L3MBTL3: variants seen among roughly 807,000 people sequenced by gnomAD.
L3MBTL3 encodes the protein lethal(3)malignant brain tumor-like protein 3.
L3MBTL3 carries 27 observed loss-of-function variants against 102.3 expected under a neutral mutation model. That is an observed-to-expected ratio of 0.26 (90% CI 0.19 to 0.36). L3MBTL3 has a LOEUF of 0.36. L3MBTL3 is among the 10% of genes least tolerant of loss of function. The pLI is 1.00. For missense variants in L3MBTL3, 798 were observed against 955.3 expected, an observed-to-expected ratio of 0.84 and a Z score of 2.17; for synonymous variants, 340 against 320.9, an observed-to-expected ratio of 1.06 and a Z score of -0.64.
At chr6:130,086,579 A>T (rs1584402056) in intron 16 of L3MBTL3, among the ~76,000 whole-genome samples, 1 of 152,192 alleles carries the variant, frequency 6.6e-6, no homozygotes, top group Non-Finnish European at 1.5e-5. Flanking sequence ...AAAAAATTGA[A>T]GATTAATGTT....
At chr6:130,034,721 TGACTAAGAGCATGCCTG>T (rs1779940879) in intron 2 of L3MBTL3, among the ~76,000 whole-genome samples, 1 of 152,256 alleles carries the variant, frequency 6.6e-6, no homozygotes. Flanking sequence ...CTAAGCGCTA[TGACTAAGAGCATGCCTG>T]GGCCTCGGCC....
intron 2 of L3MBTL3, among the ~76,000 whole-genome samples, chr6:130,032,147 C>G (rs1454532542): frequency 1.3e-5 from 2 of 152,246 alleles, no homozygotes; most frequent in East Asian, 1.9e-4. Flanking sequence ...CTCCTGGCCT[C>G]AGGTGATCCT....
intron 3 of L3MBTL3, among the ~76,000 whole-genome samples, chr6:130,044,718 T>C (rs1780622710): frequency 6.6e-6 from 1 of 152,168 alleles, no homozygotes; most frequent in South Asian, 2.1e-4. Context: ...TTCTTTTACT[T>C]TATGACCCTT....
intron 2 of L3MBTL3, among the ~76,000 whole-genome samples, chr6:130,029,665 A>G (rs923466515): frequency 6.6e-6 from 1 of 151,984 alleles, no homozygotes; most frequent in Non-Finnish European, 1.5e-5. Context: ...TCCTGTCCTC[A>G]TCTCTGGACT....
chr6:130,082,125 A>C (rs1783402270), intron 14 of L3MBTL3, among the ~76,000 whole-genome samples: 1 of 152,084 alleles, frequency 6.6e-6, no homozygotes, highest in African/African-American at 2.4e-5. Context: ...GTTCGCTTTT[A>C]CCACTGATGG....
chr6:130,031,068 G>C (rs1779692767), intron 2 of L3MBTL3, among the ~76,000 whole-genome samples: 1 of 152,066 alleles, frequency 6.6e-6, no homozygotes, highest in Non-Finnish European at 1.5e-5. Flanking sequence ...TATTTCTCTG[G>C]TACCATGGAG....
At chr6:130,106,080 T>C (rs1784964308) in intron 19 of L3MBTL3, among the ~76,000 whole-genome samples, 1 of 152,216 alleles carries the variant, frequency 6.6e-6, no homozygotes, top group Admixed American at 6.5e-5. Context: ...AGTTTTCTAT[T>C]TATAACCCAT....
chr6:130,032,635 T>G (rs1009974849), intron 2 of L3MBTL3, among the ~76,000 whole-genome samples: 1 of 152,240 alleles, frequency 6.6e-6, no homozygotes, highest in Non-Finnish European at 1.5e-5. Context: ...TCACCATTAC[T>G]CAATGAATTT....
chr6:130,034,251 T>G (rs1779906469), intron 2 of L3MBTL3, among the ~76,000 whole-genome samples: 1 of 152,188 alleles, frequency 6.6e-6, no homozygotes. Flanking sequence ...TACAGTAGAT[T>G]CTTGACATTT....
At chr6:130,049,471 C>A in intron 4 of L3MBTL3, 78 bp downstream of exon 4, 1 of 1,014,880 alleles carries the variant, frequency 9.9e-7, no homozygotes, top group Non-Finnish European at 1.4e-6. Flanking sequence ...TTATAATAGG[C>A]TGGAACTTTG....
chr6:130,082,429 G>A (rs941570736), intron 14 of L3MBTL3, among the ~76,000 whole-genome samples: 1 of 152,092 alleles, frequency 6.6e-6, no homozygotes, highest in African/African-American at 2.4e-5. Flanking sequence ...CAATTTATCT[G>A]TATCAGTGTA....
intron 10 of L3MBTL3, among the ~76,000 whole-genome samples, chr6:130,063,482 C>T (rs1257405558): frequency 6.6e-6 from 1 of 152,158 alleles, no homozygotes; most frequent in Admixed American, 6.5e-5. Flanking sequence ...AGTAGTTACG[C>T]TCCACAAATT....
At chr6:130,071,315 G>T (rs1202706368) in intron 13 of L3MBTL3, among the ~76,000 whole-genome samples, 188 bp downstream of exon 13, 1 of 151,810 alleles carries the variant, frequency 6.6e-6, no homozygotes, top group Non-Finnish European at 1.5e-5. Flanking sequence ...CTTTAATTTT[G>T]CTTTGTGATT....
At chr6:130,103,190 A>G (rs1340591938) in intron 18 of L3MBTL3, among the ~76,000 whole-genome samples, 1 of 152,232 alleles carries the variant, frequency 6.6e-6, no homozygotes, top group Non-Finnish European at 1.5e-5. Context: ...AGTGCTCCAT[A>G]AATGTCACTG....
At position 130,071,112 on chromosome 6, in the gene L3MBTL3, A is replaced by G. The variant is rs1782612850; in HGVS notation, c.1229A>G (p.Glu410Gly). The G allele has an allele frequency of 6.2e-7, 1 of 1,612,700 alleles. No homozygotes were observed. Among genetic ancestry groups the G allele is most frequent in the African/African-American group, 1.3e-5 (1 of 74,830 alleles). The change falls in exon 13 of 23, where the codon GAG (glutamate) becomes GGG (glycine). Residue 410 changes from glutamate (E) to glycine (G), a missense_variant. Physicochemically the swap from Glu to Gly is moderately conservative, Grantham distance 98 (BLOSUM62 -2). Transcript: ENST00000361794. ...CTGGTACATTTTGACAACTGGGATG[A>G]GAGCTATGACTATTGGTGAGACATT... ...RFLVHFDNWD[E>G]SYDYWCEASS...
intron 19 of L3MBTL3, among the ~76,000 whole-genome samples, chr6:130,111,641 TCATAA>T (rs1323324266): frequency 6.6e-6 from 1 of 152,204 alleles, no homozygotes; most frequent in Non-Finnish European, 1.5e-5. Flanking sequence ...CCTTTTCCTG[TCATAA>T]CATTATTTTA....
intron 18 of L3MBTL3, among the ~76,000 whole-genome samples, chr6:130,098,362 G>T (rs1416066740): frequency 6.6e-6 from 1 of 152,108 alleles, no homozygotes; most frequent in Non-Finnish European, 1.5e-5. Flanking sequence ...AGAGGAGAGG[G>T]TCCCTCCTTC....
At position 130,094,309 on chromosome 6, in the gene L3MBTL3, A is replaced by G; in HGVS notation, c.1678A>G (p.Thr560Ala). ...AGCTTCAGAACATGGTGGATGCTCA[A>G]CCCCGGGATGTAAAGGGATTGGCCA... ...MEASEHGGCS[T>A]PGCKGIGHFK... The change falls in exon 18 of 23, where the codon ACC becomes GCC. Residue 560 changes from threonine to alanine, a missense_variant. This residue lies in a region of L3MBTL3 where 306 missense variants were observed against 314.4 expected (regional missense o/e 0.97). Coordinates refer to ENST00000361794, the MANE Select transcript of L3MBTL3 (RefSeq NM_032438.4). The G allele has an allele frequency of 1.2e-6, 2 of 1,613,814 alleles. No individual in the cohort carries two copies. The highest frequency in any genetic ancestry group is 1.7e-6 in the Non-Finnish European group (2 of 1,179,842).
intron 18 of L3MBTL3, among the ~76,000 whole-genome samples, chr6:130,098,884 T>A (rs1055350565): frequency 9.8e-5 from 13 of 132,902 alleles, no homozygotes; most frequent in African/African-American, 4.0e-4. Context: ...TTTTTTTTTT[T>A]AACTGTTTTT....
Sources: gnomAD v4.1 joint callset for allele counts (sites outside exome capture counted in the v4.1 genomes callset) on GRCh38, gnomAD v4.1.1 for gene constraint, gnomAD v4.1.1 regional missense constraint, MANE v1.5 for transcripts, NCBI Gene and HGNC (gene_info 2026-07-23, HGNC 2026-07-21) for gene names.